Variants in DYSF observed in about 807,000 individuals in gnomAD.
The protein encoded by DYSF is dysferlin.
DYSF carries 212 observed loss-of-function variants against 274.9 expected under a neutral mutation model. The ratio of observed to expected loss-of-function variants is 0.77; its 90% CI spans 0.69 to 0.86. DYSF has a LOEUF of 0.86. DYSF is among the 40% of genes least tolerant of loss of function. The pLI, the probability that DYSF is intolerant of heterozygous loss-of-function variation, is 0.00. For missense variants in DYSF, 2,666 were observed against 2,783.2 expected (o/e 0.96, Z 0.95); for synonymous variants, 1,091 against 1,078.7 (o/e 1.01, Z -0.22).
At position 71,613,404 on chromosome 2, in the gene DYSF, C is replaced by T. The variant is rs777688424; in HGVS notation, c.4458C>T (p.Pro1486=). The change falls in exon 40 of 56, where the codon CCC becomes CCT. Residue 1486 remains proline, a synonymous_variant. Transcript: ENST00000410020. ...TTGATGACAAGGAGCCCCTCATCCC[C>T]ATCCAGGTAGGATGGGCATCCTCCA... ...IDIDDKEPLI[P]IQLADGLSSL... is the part of the protein sequence containing the mutation. 3 of 1,612,600 alleles carry T rather than the reference C, an allele frequency of 1.9e-6. No homozygotes were observed. The highest frequency in any genetic ancestry group is 2.2e-5 in the East Asian group (1 of 44,840).
intron 45 of DYSF, among the ~76,000 whole-genome samples, chr2:71,663,736 T>C (rs2094943812): frequency 6.6e-6 from 1 of 152,170 alleles, no homozygotes; most frequent in Non-Finnish European, 1.5e-5. Context: ...CTCCATCCCA[T>C]CCCAGAAGTG....
intron 18 of DYSF, 47 bp downstream of exon 18, chr2:71,551,203 G>T: frequency 1.0e-5 from 16 of 1,594,430 alleles, no homozygotes; most frequent in African/African-American, 1.3e-5. Flanking sequence ...AGATGCCCAG[G>T]TCCCTCAGGA....
intron 1 of DYSF, among the ~76,000 whole-genome samples, chr2:71,474,881 C>G (rs1342177975): frequency 1.3e-5 from 2 of 152,196 alleles, no homozygotes; most frequent in Non-Finnish European, 1.5e-5. Context: ...TCATGAGAGG[C>G]TGCAGATGGA....
intron 29 of DYSF, among the ~76,000 whole-genome samples, chr2:71,573,684 C>T (rs2092600270): frequency 6.6e-6 from 1 of 152,176 alleles, no homozygotes; most frequent in South Asian, 2.1e-4. Flanking sequence ...TGAAATCCAC[C>T]CAGAATTCAA....
chr2:71,538,440 A>C (rs866381165), intron 16 of DYSF, among the ~76,000 whole-genome samples: 16 of 152,170 alleles, frequency 1.1e-4, no homozygotes, highest in African/African-American at 3.9e-4. Flanking sequence ...TATGCCATGC[A>C]GGAGCAATGT....
At chr2:71,682,399 G>C in intron 54 of DYSF, 131 bp from the exon 55 acceptor site, 1 of 1,146,416 alleles carries the variant, frequency 8.7e-7, no homozygotes, top group South Asian at 1.2e-5. Flanking sequence ...CTAGTTTAGG[G>C]ACAGGGCCTG....
chr2:71,550,489 A>T (rs2090859209), intron 17 of DYSF, among the ~76,000 whole-genome samples: 1 of 152,154 alleles, frequency 6.6e-6, no homozygotes, highest in Admixed American at 6.5e-5. Flanking sequence ...TACCCTAGGG[A>T]GGAGGAACGG....
chr2:71,656,684 G>A (rs955983946), intron 43 of DYSF, among the ~76,000 whole-genome samples: 1 of 152,178 alleles, frequency 6.6e-6, no homozygotes, highest in Non-Finnish European at 1.5e-5. Context: ...GAGGGGAAAG[G>A]CAGTTCTTAT....
At position 71,600,796 on chromosome 2, in the gene DYSF, C is replaced by G; in HGVS notation, c.3851C>G (p.Pro1284Arg). The part of the protein sequence containing the change: ...AWFPLTRGSQ[P>R]SGELLASFEL... ...TTCCCACTGACGAGGGGCAGCCAGC[C>G]GTCGGGGGAGCTGCTGGCCTCTTTT... The change falls in exon 34 of 56, where the codon CCG becomes CGG. Residue 1284 changes from proline to arginine, a missense_variant. Physicochemically the swap from Pro to Arg is moderately radical, Grantham distance 103. Around this residue, in one of 3 missense-constraint regions of DYSF, gnomAD observed 1,460 missense variants for 1,502.1 expected, o/e 0.97. Coordinates refer to ENST00000410020, the MANE Select transcript of DYSF (RefSeq NM_001130987.2). 6.2e-7 allele frequency: 1 copy of G among 1,613,510 alleles called. No homozygotes were observed. The highest frequency in any genetic ancestry group is 8.5e-7 in the Non-Finnish European group (1 of 1,180,014).
chr2:71,563,424 C>T (rs1310375702), intron 23 of DYSF, among the ~76,000 whole-genome samples: 2 of 152,184 alleles, frequency 1.3e-5, no homozygotes, highest in Admixed American at 1.3e-4. Context: ...AGCAAATGGA[C>T]CCTTACCCAA....
chr2:71,551,174 C>T lies in DYSF; in HGVS notation c.1692+18C>T. 1 of 1,612,856 alleles carries T rather than the reference C, an allele frequency of 6.2e-7. No individual in the cohort carries two copies. Among genetic ancestry groups the T allele is most frequent in the Non-Finnish European group, 8.5e-7 (1 of 1,178,876 alleles). Reference sequence around the variant, plus strand: ...CAGGCAAGGTAAGCCGGCTGGAGCCCTGGCAAGGGCAGGATGCCAGATGCC... The same window carrying T: ...CAGGCAAGGTAAGCCGGCTGGAGCCTTGGCAAGGGCAGGATGCCAGATGCC... On this transcript the variant is annotated intron_variant, in intron 18 of 55. Transcript: ENST00000410020.
At chr2:71,587,158 G>T (rs1863813) in intron 30 of DYSF, among the ~76,000 whole-genome samples, 1 of 152,202 alleles carries the variant, frequency 6.6e-6, no homozygotes, top group Non-Finnish European at 1.5e-5. Context: ...CAGCCAGGGG[G>T]GTGTTCTGTG....
At position 71,611,357 on chromosome 2, in the gene DYSF, C is replaced by T. The variant is rs759874787; in HGVS notation, c.4059+11C>T. The T allele has an allele frequency of 3.6e-5, 58 of 1,612,544 alleles. No individual in the cohort carries two copies. The highest frequency in any genetic ancestry group is 3.6e-4 in the East Asian group (16 of 44,886). ...CGTACCGCCATCGAGGTGAGCCGTC[C>T]GGGCCTGGGCGTGGGGGCTGGGAGC... On this transcript the variant is annotated intron_variant, in intron 37 of 55. Coordinates refer to ENST00000410020, the MANE Select transcript of DYSF (RefSeq NM_001130987.2).
intron 14 of DYSF, among the ~76,000 whole-genome samples, chr2:71,532,860 C>CTATCTATT (rs2088904342): frequency 6.7e-6 from 1 of 148,374 alleles, no homozygotes; most frequent in East Asian, 1.9e-4. Flanking sequence ...ATCTATCTAT[C>CTATCTATT]TATCTATCTA....
intron 42 of DYSF, among the ~76,000 whole-genome samples, chr2:71,649,358 C>A (rs227775): frequency 0.76 from 115,174 of 151,962 alleles, 44,726 homozygotes; most frequent in Non-Finnish European, 0.85. Context: ...ATACAGTGGA[C>A]AGATATTATT....
intron 17 of DYSF, among the ~76,000 whole-genome samples, chr2:71,546,710 A>C (rs1354747276): frequency 2.0e-5 from 3 of 152,254 alleles, no homozygotes; most frequent in Non-Finnish European, 2.9e-5. Context: ...TCCATAGTTA[A>C]GAAATCCAAA....
intron 3 of DYSF, among the ~76,000 whole-genome samples, chr2:71,490,907 TAAAC>T (rs1439382702): frequency 6.6e-6 from 1 of 152,228 alleles, no homozygotes; most frequent in Non-Finnish European, 1.5e-5. Context: ...GATTATCCAG[TAAAC>T]ATCTTTATCC....
intron 1 of DYSF, 91 bp from the exon 2 acceptor site, chr2:71,480,792 C>A: frequency 8.2e-7 from 1 of 1,221,884 alleles, no homozygotes; most frequent in African/African-American, 1.5e-5. Flanking sequence ...GGCGACCAAG[C>A]TGAAGCACAG....
chr2:71,498,308 A>G (rs538055942), intron 3 of DYSF, among the ~76,000 whole-genome samples: 2 of 152,264 alleles, frequency 1.3e-5, no homozygotes, highest in South Asian at 4.2e-4. Flanking sequence ...GCTGTTAGCG[A>G]GATCTGGCCT....
Sources: allele counts gnomAD v4.1 joint callset (sites outside exome capture counted in the v4.1 genomes callset), GRCh38; gene constraint gnomAD v4.1.1; regional missense constraint gnomAD v4.1.1; transcripts MANE v1.5; gene names NCBI Gene and HGNC (gene_info 2026-07-23, HGNC 2026-07-21).